PDZD2: variants seen among roughly 807,000 people sequenced by gnomAD.
The protein encoded by PDZD2 is PDZ domain-containing protein 2.
In PDZD2, 90 loss-of-function variants were observed where a neutral mutation model predicts 220.7. The ratio of observed to expected loss-of-function variants is 0.41; its 90% confidence interval spans 0.34 to 0.49. The LOEUF (loss-of-function observed/expected upper bound fraction) is 0.49, where lower values mean the gene tolerates loss of function less well. Ranked by LOEUF, PDZD2 falls within the 20% of genes least tolerant of loss-of-function variation. The probability of loss-of-function intolerance (pLI) is 0.28; values close to 1 mark genes in which losing one functional copy is unlikely to be tolerated. For missense variants in PDZD2, 3,174 were observed against 3,608.5 expected (o/e 0.88, Z 3.08); for synonymous variants, 1,375 against 1,450.5 (o/e 0.95, Z 1.18).
intron 2 of PDZD2, among the ~76,000 whole-genome samples, chr5:31,834,775 C>T (rs890152989): frequency 6.6e-6 from 1 of 151,850 alleles, no homozygotes; most frequent in African/African-American, 2.4e-5. Flanking sequence ...GGGAGATATA[C>T]CTAATGCAAA....
chr5:32,003,343 ACACACAC>A (rs1228935611), intron 5 of PDZD2, among the ~76,000 whole-genome samples: 315 of 22,456 alleles, frequency 0.014, 2 homozygotes, highest in African/African-American at 0.017. Flanking sequence ...ACCACACCAC[ACACACAC>A]CACACACCAC....
chr5:31,709,589 AAAG>A, intron 1 of PDZD2, among the ~76,000 whole-genome samples: 1 of 152,164 alleles, frequency 6.6e-6, no homozygotes, highest in Non-Finnish European at 1.5e-5. Context: ...TGTGGGTTCA[AAAG>A]AAGCACCTCC....
In PDZD2 at chr5:32,074,232, G is replaced by T. The variant is rs780685516; in HGVS notation, c.3126G>T (p.Glu1042Asp). 16 of 1,614,100 alleles carry T rather than the reference G, an allele frequency of 9.9e-6. 1 individual carries two copies. The South Asian group carries it at 1.8e-4, about 18-fold the overall frequency. The change falls in exon 18 of 25, where the codon GAG (glutamate) becomes GAT (aspartate). Residue 1042 changes from glutamate to aspartate, a missense_variant. This residue lies in a region of PDZD2 where 1,861 missense variants were observed against 2,001.0 expected (regional missense o/e 0.93). Transcript: ENST00000438447. ...TTCTTGGTAGCTCAGTGGACTTAGA[G>T]GAGAGTATCCCAGAGGGCATGGTGG... ...APLLGSSVDL[E>D]ESIPEGMVDA...
intron 1 of PDZD2, among the ~76,000 whole-genome samples, chr5:31,788,952 G>A (rs115442485): frequency 0.011 from 1,651 of 152,346 alleles, 23 homozygotes; most frequent in African/African-American, 0.036. Context: ...GACTGAAGTT[G>A]AAGGACTCAG....
At chr5:31,768,532 C>T (rs1209344904) in intron 1 of PDZD2, among the ~76,000 whole-genome samples, 1 of 151,740 alleles carries the variant, frequency 6.6e-6, no homozygotes, top group African/African-American at 2.4e-5. Flanking sequence ...GTCCCAGCTA[C>T]TTGGGAGGCT....
At chr5:31,901,186 G>A (rs769673079) in intron 2 of PDZD2, among the ~76,000 whole-genome samples, 8 of 152,160 alleles carry the variant, frequency 5.3e-5, no homozygotes, top group Non-Finnish European at 1.0e-4. Flanking sequence ...GGGAGGCTGA[G>A]GCGGGCAGTT....
intron 2 of PDZD2, among the ~76,000 whole-genome samples, chr5:31,919,072 T>A (rs1296142143): frequency 6.6e-6 from 1 of 152,212 alleles, no homozygotes; most frequent in Non-Finnish European, 1.5e-5. Flanking sequence ...GTGATGTAAA[T>A]AAGCCAAAAC....
intron 3 of PDZD2, among the ~76,000 whole-genome samples, chr5:31,986,253 G>T (rs532433666): frequency 6.6e-6 from 1 of 151,942 alleles, no homozygotes; most frequent in Non-Finnish European, 1.5e-5. Context: ...TTAAAAAGCC[G>T]CATGCCTATA....
chr5:31,891,541 C>T (rs1358392771), intron 2 of PDZD2, among the ~76,000 whole-genome samples: 1 of 152,152 alleles, frequency 6.6e-6, no homozygotes, highest in East Asian at 1.9e-4. Flanking sequence ...TCTCGAACTC[C>T]TGATCTCAGG....
At chr5:32,095,904 C>G (rs1471960067) in intron 21 of PDZD2, among the ~76,000 whole-genome samples, 2 of 121,332 alleles carry the variant, frequency 1.6e-5, no homozygotes, top group Non-Finnish European at 3.5e-5. Context: ...CCATGCCCGG[C>G]TTTTTTTTTT....
chr5:31,796,034 T>G (rs1315393116), intron 1 of PDZD2, among the ~76,000 whole-genome samples: 2 of 152,178 alleles, frequency 1.3e-5, no homozygotes, highest in African/African-American at 4.8e-5. Flanking sequence ...TCAGTGGCCC[T>G]GTTGCTATCC....
intron 3 of PDZD2, among the ~76,000 whole-genome samples, chr5:31,989,421 C>CT (rs869045113): frequency 0.02 from 2,380 of 119,818 alleles, 52 homozygotes; most frequent in Admixed American, 0.046. Flanking sequence ...ATTTTCTTTT[C>CT]TTTTTTTTTT....
In PDZD2 at chr5:31,677,631, A is replaced by C. The variant is rs1746485325; in HGVS notation, c.-361+38194A>C. Among the ~76,000 whole-genome samples the C allele has an allele frequency of 3.0e-5, 4 of 133,814 alleles. 2 individuals carry two copies. Among genetic ancestry groups the C allele is most frequent in the Non-Finnish European group, 6.6e-5 (4 of 60,698 alleles). 87.8% of individuals were successfully genotyped at this position (133,814 alleles called of 152,430 possible). A position where few individuals can be genotyped will look rare whatever the true frequency, so the allele number is the denominator to read the frequency against. On this transcript the variant is annotated intron_variant, in intron 1 of 24. Coordinates refer to ENST00000438447, the MANE Select transcript of PDZD2 (RefSeq NM_178140.4). ...ACTCCGTCTTAAAAAAAAAAAAAAAAAAAAAAAAAAAAGGAGGTATATCCA... is the reference window on the plus strand; with the variant it reads ...ACTCCGTCTTAAAAAAAAAAAAAAACAAAAAAAAAAAAGGAGGTATATCCA...
At chr5:32,003,314 A>C (rs1752472408) in intron 5 of PDZD2, among the ~76,000 whole-genome samples, 13 of 66,514 alleles carry the variant, frequency 2.0e-4, no homozygotes, top group South Asian at 5.9e-4. Flanking sequence ...CACCACACAC[A>C]CCCCACACAC....
At chr5:32,003,847 G>A (rs529074921) in intron 5 of PDZD2, among the ~76,000 whole-genome samples, 4 of 152,258 alleles carry the variant, frequency 2.6e-5, no homozygotes, top group Admixed American at 6.5e-5. Context: ...AAGTAGCTGG[G>A]ATTACAGGTG....
chr5:31,798,325 T>A (rs1366465061), intron 1 of PDZD2, among the ~76,000 whole-genome samples: 4 of 152,172 alleles, frequency 2.6e-5, no homozygotes, highest in African/African-American at 4.8e-5. Flanking sequence ...CAGACTTCCC[T>A]CTGAATCTAC....
chr5:31,834,254 C>T (rs1756806265), intron 2 of PDZD2, among the ~76,000 whole-genome samples: 1 of 152,200 alleles, frequency 6.6e-6, no homozygotes, highest in Admixed American at 6.5e-5. Flanking sequence ...CTGCCCTGCT[C>T]TCCTCCACTG....
intron 19 of PDZD2, among the ~76,000 whole-genome samples, chr5:32,079,413 G>A (rs530480220): frequency 6.6e-5 from 10 of 151,938 alleles, no homozygotes; most frequent in African/African-American, 1.9e-4. Context: ...CGCAACTGTC[G>A]GCTGGTTGTT....
intron 1 of PDZD2, among the ~76,000 whole-genome samples, chr5:31,667,271 C>A (rs1298767401): frequency 1.3e-5 from 2 of 149,290 alleles, no homozygotes; most frequent in African/African-American, 4.9e-5. Context: ...TACCTGCTGC[C>A]TGCTGTGTGC....
Sources: gnomAD v4.1 joint callset for allele counts (sites outside exome capture counted in the v4.1 genomes callset) on GRCh38, gnomAD v4.1.1 for gene constraint, gnomAD v4.1.1 regional missense constraint, MANE v1.5 for transcripts, NCBI Gene and HGNC (gene_info 2026-07-23, HGNC 2026-07-21) for gene names.